Variants in PRAG1 observed in about 807,000 individuals in gnomAD.
PRAG1 encodes inactive tyrosine-protein kinase PRAG1.
A neutral mutation model predicts 95.6 loss-of-function variants in PRAG1; 110 were observed. The observed-to-expected ratio is 1.15, with a 90% CI of 0.99 to 1.35. PRAG1 has a LOEUF of 1.35. PRAG1 is among the 40% of genes most tolerant of loss of function. The pLI is 0.00. For missense variants in PRAG1, 2,554 were observed against 1,864.7 expected, an observed-to-expected ratio of 1.37 and a Z score of -6.81; for synonymous variants, 1,052 against 819.4, an observed-to-expected ratio of 1.28 and a Z score of -4.85.
At chr8:8,364,069 C>G (rs1203397009) in intron 3 of PRAG1, among the ~76,000 whole-genome samples, 1 of 152,138 alleles carries the variant, frequency 6.6e-6, no homozygotes, top group Non-Finnish European at 1.5e-5. Context: ...GTTTATGTCC[C>G]CTTACTGACC....
At chr8:8,371,956 C>A (rs1029106755) in intron 3 of PRAG1, among the ~76,000 whole-genome samples, 161 of 152,286 alleles carry the variant, frequency 1.1e-3, no homozygotes, top group African/African-American at 3.7e-3. Context: ...ACCATTTAGA[C>A]ACTGAAACCA....
At chr8:8,369,808 C>A (rs1006003179) in intron 3 of PRAG1, among the ~76,000 whole-genome samples, 3 of 151,370 alleles carry the variant, frequency 2.0e-5, no homozygotes, top group African/African-American at 7.3e-5. Context: ...CAGAGCTGAG[C>A]TTACCTTTGT....
rs770055358 is a variant in PRAG1 at position 8,328,399 on chromosome 8, G to T, written c.2383C>A (p.Pro795Thr). The change falls in exon 5 of 6, where the codon CCG becomes ACG. Residue 795 changes from proline to threonine, a missense_variant. By Grantham distance (38) the Pro-to-Thr change is conservative (BLOSUM62 -1). Transcript: ENST00000615670. ...TCCTCAGTGGAGCCTGAAGGAAACG[G>T]AACGGGAGCAAAGAGCTTCTTCCCG... ...NSGKKLFAPV[P>T]FPSGSTEDVS... The T allele has an allele frequency of 1.9e-6, 3 of 1,613,820 alleles. No homozygotes were observed. The highest frequency in any genetic ancestry group is 2.5e-6 in the Non-Finnish European group (3 of 1,180,034).
At chr8:8,366,337 G>C (rs1309593617) in intron 3 of PRAG1, among the ~76,000 whole-genome samples, 1 of 149,468 alleles carries the variant, frequency 6.7e-6, no homozygotes, top group East Asian at 1.9e-4. Flanking sequence ...TTTTGAGACG[G>C]AGTTTCACTC....
chr8:8,368,082 G>C (rs780053071), intron 3 of PRAG1, among the ~76,000 whole-genome samples: 1 of 152,168 alleles, frequency 6.6e-6, no homozygotes, highest in Non-Finnish European at 1.5e-5. Context: ...TTAGACTTTA[G>C]AAAAGTTATC....
intron 3 of PRAG1, among the ~76,000 whole-genome samples, chr8:8,369,988 C>G (rs1489042114): frequency 1.3e-5 from 2 of 152,208 alleles, no homozygotes; most frequent in Admixed American, 1.3e-4. Context: ...ACCCCAGTAA[C>G]TGGCTTTTTA....
At position 8,363,460 on chromosome 8, in the gene PRAG1, A is replaced by C. The variant is rs1238785458; in HGVS notation, c.2162+12787T>G. Among the ~76,000 whole-genome samples, 4 of 152,356 alleles carry C rather than the reference A, an allele frequency of 2.6e-5. No homozygotes were observed. In the South Asian group the frequency reaches 6.2e-4, roughly 24 times the overall value. On this transcript the variant is annotated intron_variant, in intron 3 of 5. Coordinates refer to ENST00000615670, the MANE Select transcript of PRAG1 (RefSeq NM_001080826.3). Reference sequence around the variant, plus strand: ...GAACATTATGCTAAGTGAAACAAGCAAATGACAAAAAGACAAGTACTGGAT... The same window carrying C: ...GAACATTATGCTAAGTGAAACAAGCCAATGACAAAAAGACAAGTACTGGAT...
chr8:8,340,617 C>T (rs1799131243), intron 3 of PRAG1, among the ~76,000 whole-genome samples: 3 of 152,218 alleles, frequency 2.0e-5, no homozygotes, highest in Admixed American at 2.0e-4. Flanking sequence ...ATCAGAACTG[C>T]CTTATTTAAT....
chr8:8,370,730 C>T (rs969275305), intron 3 of PRAG1, among the ~76,000 whole-genome samples: 25 of 152,270 alleles, frequency 1.6e-4, no homozygotes, highest in African/African-American at 5.8e-4. Context: ...ACAGGAGAGC[C>T]CACACAGTGA....
chr8:8,331,035 C>T (rs2979214), intron 4 of PRAG1, among the ~76,000 whole-genome samples: 1 of 152,202 alleles, frequency 6.6e-6, no homozygotes, highest in Admixed American at 6.5e-5. Context: ...AGCGAGGCGT[C>T]TGATTCTCAA....
intron 3 of PRAG1, among the ~76,000 whole-genome samples, chr8:8,374,440 CAGG>C (rs1800312988): frequency 6.6e-6 from 1 of 152,188 alleles, no homozygotes; most frequent in African/African-American, 2.4e-5. Context: ...CCTGTAGGTT[CAGG>C]AGGAGCGTAG....
rs1462125902 is a variant in PRAG1 at position 8,381,520 on chromosome 8, G to T, written c.228C>A (p.Ser76Arg). 5.0e-6 allele frequency: 8 copies of T among 1,614,206 alleles called. No homozygotes were observed. The highest frequency in any genetic ancestry group is 6.8e-6 in the Non-Finnish European group (8 of 1,180,030). ...CAATTGTGGGCTTGGAGTAAGGTGAGCTGTTCACACCTTCATCTTCCAGGC... is the reference window on the plus strand; with the variant it reads ...CAATTGTGGGCTTGGAGTAAGGTGATCTGTTCACACCTTCATCTTCCAGGC... ...NCRLEDEGVN[S>R]SPYSKPTIAV... The change falls in exon 2 of 6, where the codon AGC becomes AGA. Residue 76 changes from serine (S) to arginine (R), a missense_variant. Physicochemically the swap from Ser to Arg is moderately radical, Grantham distance 110. Coordinates refer to ENST00000615670, the MANE Select transcript of PRAG1 (RefSeq NM_001080826.3).
intron 4 of PRAG1, among the ~76,000 whole-genome samples, chr8:8,338,539 C>T (rs1168982587): frequency 2.6e-5 from 4 of 152,190 alleles, no homozygotes; most frequent in Non-Finnish European, 5.9e-5. Context: ...AAAAGAAAAT[C>T]TGTTGTTGCT....
Position 8,327,863 on chromosome 8 carries a change from G to A in PRAG1, c.2919C>T (p.Leu973=). The A allele has an allele frequency of 6.2e-7, 1 of 1,614,210 alleles. No individual in the cohort carries two copies. The highest frequency in any genetic ancestry group is 8.5e-7 in the Non-Finnish European group (1 of 1,180,026). ...LARLVAKCED[L]FMGGQKKELH... ...GCTCCTTTTTCTGGCCGCCCATGAAGAGGTCCTCACATTTGGCTACAAGGC... is the reference window on the plus strand; with the variant it reads ...GCTCCTTTTTCTGGCCGCCCATGAAAAGGTCCTCACATTTGGCTACAAGGC... Residue 973 remains leucine (L), a synonymous_variant, in exon 5 of 6, where the codon CTC becomes CTT. Coordinates refer to ENST00000615670, the MANE Select transcript of PRAG1 (RefSeq NM_001080826.3).
chr8:8,330,891 C>G (rs1440574100), intron 4 of PRAG1, among the ~76,000 whole-genome samples: 1 of 152,158 alleles, frequency 6.6e-6, no homozygotes, highest in African/African-American at 2.4e-5. Flanking sequence ...GTAAGACCAC[C>G]TACTTATGAG....
rs763123820 is a variant in PRAG1 at position 8,376,519 on chromosome 8, T to C, written c.1890A>G (p.Ala630=). ...TCCGGCACTGACGACTCCAGGTGCC[T>C]GCCTGGAACCTGGGCCGCCTCTGTT... The part of the protein sequence containing the change: ...ASEQRRPRFQ[A]GTWSRQCRIE... Residue 630 remains alanine, a synonymous_variant, in exon 3 of 6, where the codon GCA becomes GCG. Coordinates refer to ENST00000615670, the MANE Select transcript of PRAG1 (RefSeq NM_001080826.3). 6.2e-7 allele frequency: 1 copy of C among 1,609,670 alleles called. No homozygotes were observed. The highest frequency in any genetic ancestry group is 1.3e-5 in the African/African-American group (1 of 74,830).
intron 3 of PRAG1, among the ~76,000 whole-genome samples, chr8:8,342,850 T>A (rs1799217458): frequency 6.6e-6 from 1 of 152,036 alleles, no homozygotes; most frequent in African/African-American, 2.4e-5. Flanking sequence ...GGGTAGGAAA[T>A]AATTTTTAAA....
At position 8,328,046 on chromosome 8, in the gene PRAG1, G is replaced by T. The variant is rs771024244; in HGVS notation, c.2736C>A (p.Cys912Ter). The change falls in exon 5 of 6, where the codon TGC (cysteine) becomes TGA (stop). Residue 912 changes from cysteine to a stop codon, truncating the protein, a stop_gained. Coordinates refer to ENST00000615670, the MANE Select transcript of PRAG1 (RefSeq NM_001080826.3). LOFTEE classifies it high-confidence loss of function. ...RGGCGSPGLQ[C>*]KGAPSASSSQ... ...AGGATGAGGCGGAGGGGGCCCCTTTGCACTGGAGGCCAGGGCTCCCGCAGC... is the reference window on the plus strand; with the variant it reads ...AGGATGAGGCGGAGGGGGCCCCTTTTCACTGGAGGCCAGGGCTCCCGCAGC... 6.3e-7 allele frequency: 1 copy of T among 1,590,178 alleles called. No homozygotes were observed. Among genetic ancestry groups the T allele is most frequent in the South Asian group, 1.2e-5 (1 of 86,368 alleles).
At chr8:8,382,738 G>C (rs1380068661) in intron 1 of PRAG1, among the ~76,000 whole-genome samples, 1 of 152,170 alleles carries the variant, frequency 6.6e-6, no homozygotes, top group Non-Finnish European at 1.5e-5. Flanking sequence ...CTGAGAAGGA[G>C]CTCAAAGAGT....
Sources: allele counts gnomAD v4.1 joint callset (sites outside exome capture counted in the v4.1 genomes callset), GRCh38; gene constraint gnomAD v4.1.1; transcripts MANE v1.5; gene names NCBI Gene and HGNC (gene_info 2026-07-23, HGNC 2026-07-21).